Variants in PLBD2 observed in about 807,000 individuals in gnomAD.
PLBD2 encodes the protein putative aminopeptidase PLBD2.
PLBD2 carries 51 observed loss-of-function variants against 68.3 expected under a neutral mutation model. That is an observed-to-expected ratio of 0.75 (90% CI 0.60 to 0.94). The LOEUF (loss-of-function observed/expected upper bound fraction) is 0.94, where lower values mean the gene tolerates loss of function less well. Ranked by LOEUF, PLBD2 falls within the 40% of genes least tolerant of loss-of-function variation. The pLI, the probability that PLBD2 is intolerant of heterozygous loss-of-function variation, is 0.00. For synonymous variants in PLBD2, 314 were observed against 339.3 expected (o/e 0.93, Z 0.82); for missense variants, 729 against 792.2 (o/e 0.92, Z 0.96).
chr12:113,362,795 T>TA (rs920008451), intron 1 of PLBD2, among the ~76,000 whole-genome samples: 17 of 151,732 alleles, frequency 1.1e-4, no homozygotes, highest in Admixed American at 1.1e-3. Flanking sequence ...TGATTTATTT[T>TA]TTTTTTTTGA....
In PLBD2 at chr12:113,388,896, C is replaced by T. The variant is rs887467824; in HGVS notation, c.*270C>T. ...TGTTTCTGTCTGTTTCCTACTGCTG[C>T]TCTCTCAACCTCATTCCCACCTCTG... is the stretch of plus-strand genomic sequence containing the variant. On this transcript the variant is annotated 3_prime_UTR_variant, in exon 12 of 12. Transcript: ENST00000280800. 1 of 333,324 alleles carries T rather than the reference C, an allele frequency of 3.0e-6. No homozygotes were observed. The highest frequency in any genetic ancestry group is 5.4e-6 in the Non-Finnish European group (1 of 185,016). 20.6% of individuals were successfully genotyped at this position (333,324 alleles called of 1,614,324 possible). A position where few individuals can be genotyped will look rare whatever the true frequency, so the allele number is the denominator to read the frequency against.
Position 113,374,846 on chromosome 12 carries a change from C to T in PLBD2, c.698C>T (p.Thr233Ile). Residue 233 changes from threonine (T) to isoleucine (I), a missense_variant, in exon 5 of 12, where the codon ACC becomes ATC. Physicochemically the swap from Thr to Ile is moderately conservative, Grantham distance 89. Transcript: ENST00000280800. The stretch of plus-strand genomic sequence containing the variant: ...GACCTGGAGCTGGCCCTGAACAAGA[C>T]CAAGATCAAACCTTCTCTGGGCTCT... ...LEDLELALNK[T>I]KIKPSLGSGS... 6 of 1,613,902 alleles carry T rather than the reference C, an allele frequency of 3.7e-6. No individual in the cohort carries two copies. Among genetic ancestry groups the T allele is most frequent in the Non-Finnish European group, 5.1e-6 (6 of 1,180,024 alleles).
chr12:113,369,210 G>A lies in PLBD2; in HGVS notation c.384+1G>A. On this transcript the variant is annotated splice_donor_variant, in intron 2 of 11. Transcript: ENST00000280800. LOFTEE classifies it high-confidence loss of function. ...GGTGGAGGCTGCTGTGTCGGAGGAG[G>A]TAAGGGCCAAGGTGGGGACATGGGG... 1 of 1,596,042 alleles carries A rather than the reference G, an allele frequency of 6.3e-7. No homozygotes were observed. Among genetic ancestry groups the A allele is most frequent in the Non-Finnish European group, 8.5e-7 (1 of 1,171,406 alleles).
chr12:113,387,973 G>A, intron 11 of PLBD2, 67 bp downstream of exon 11: 1 of 1,572,128 alleles, frequency 6.4e-7, no homozygotes, highest in Non-Finnish European at 8.7e-7. Context: ...TTTGGGGAAG[G>A]GACAGGTTGG....
intron 5 of PLBD2, chr12:113,376,855 T>A (rs534277498): frequency 1.1e-4 from 16 of 152,364 alleles, no homozygotes; most frequent in African/African-American, 3.9e-4. Flanking sequence ...AAGGCCAAAG[T>A]CCTCCATAGT....
At chr12:113,369,599 A>G (rs1181133332) in intron 2 of PLBD2, among the ~76,000 whole-genome samples, 1 of 152,236 alleles carries the variant, frequency 6.6e-6, no homozygotes, top group Admixed American at 6.5e-5. Context: ...TTATTCAGCT[A>G]TAAACGGGAA....
intron 5 of PLBD2, among the ~76,000 whole-genome samples, chr12:113,376,361 G>C (rs1234048904): frequency 9.1e-5 from 13 of 143,128 alleles, no homozygotes; most frequent in South Asian, 4.5e-4. Context: ...ACGGGGTTTT[G>C]CCATGTTGGC....
In PLBD2 at chr12:113,389,785, C is replaced by A. The variant is rs1266392656; in HGVS notation, c.*1159C>A. ...GCAATGGCATAATCTCTGCTCACTG[C>A]AACCTCTGCTTCCTGGGTTCAAGCG... is the stretch of plus-strand genomic sequence containing the variant. On this transcript the variant is annotated 3_prime_UTR_variant, in exon 12 of 12. Transcript: ENST00000280800. 6.6e-6 allele frequency: 1 copy of A among 152,136 alleles called. No homozygotes were observed. The highest frequency in any genetic ancestry group is 1.9e-4 in the East Asian group (1 of 5,186). 9.4% of individuals were successfully genotyped at this position (152,136 alleles called of 1,614,324 possible).
chr12:113,388,328 CA>C (rs1957574111), intron 11 of PLBD2, 130 bp from the exon 12 acceptor site: 1 of 881,686 alleles, frequency 1.1e-6, no homozygotes, highest in South Asian at 1.9e-5. Context: ...GGTGACAGAG[CA>C]GAGACTCAAA....
At chr12:113,359,009 T>C (rs1188198468) in intron 1 of PLBD2, 119 bp downstream of exon 1, 21 of 1,148,268 alleles carry the variant, frequency 1.8e-5, no homozygotes, top group Non-Finnish European at 2.4e-5. Context: ...TCTCTGGGGG[T>C]CAGCTACTCC....
At chr12:113,371,817 A>G (rs1262779560) in intron 2 of PLBD2, among the ~76,000 whole-genome samples, 2 of 152,252 alleles carry the variant, frequency 1.3e-5, no homozygotes, top group Admixed American at 1.3e-4. Flanking sequence ...AGGAGGCACC[A>G]TTCAACCTCA....
chr12:113,369,811 G>T (rs912816271), intron 2 of PLBD2, among the ~76,000 whole-genome samples: 2 of 152,080 alleles, frequency 1.3e-5, no homozygotes, highest in Admixed American at 1.3e-4. Context: ...TGATGGGTAT[G>T]GGGTTTCTTT....
intron 10 of PLBD2, 74 bp from the exon 11 acceptor site, chr12:113,387,670 C>T (rs1957564685): frequency 6.7e-7 from 1 of 1,496,944 alleles, no homozygotes; most frequent in African/African-American, 1.4e-5. Context: ...ACGGGGCTGC[C>T]TGTGAGGATT....
At chr12:113,383,313 G>A (rs755092450) in intron 6 of PLBD2, among the ~76,000 whole-genome samples, 21 of 152,194 alleles carry the variant, frequency 1.4e-4, no homozygotes, top group Non-Finnish European at 2.4e-4. Flanking sequence ...TGAGGGAGTG[G>A]GTTCATGGGA....
At chr12:113,374,194 G>A (rs914395297) in intron 3 of PLBD2, among the ~76,000 whole-genome samples, 2 of 152,182 alleles carry the variant, frequency 1.3e-5, no homozygotes, top group Non-Finnish European at 1.5e-5. Flanking sequence ...GCTGGGAGGC[G>A]TCCTAGAAGA....
At chr12:113,377,623 G>A (rs533673843) in intron 5 of PLBD2, among the ~76,000 whole-genome samples, 19 of 152,142 alleles carry the variant, frequency 1.2e-4, no homozygotes, top group East Asian at 1.2e-3. Context: ...ATGGGGTTTC[G>A]CCATGTTGGC....
rs986360256 is a variant in PLBD2, at chr12:113,358,614, T to A, written c.14T>A (p.Met5Lys). 1.4e-6 allele frequency: 2 copies of A among 1,470,768 alleles called. No individual in the cohort carries two copies. Among genetic ancestry groups the A allele is most frequent in the Non-Finnish European group, 1.8e-6 (2 of 1,118,880 alleles). 91.1% of individuals were successfully genotyped at this position (1,470,768 alleles called of 1,614,324 possible). Reference sequence around the variant, plus strand: ...CATTGTGCGGTCATGGTGGGCCAGATGTACTGCTACCCCGGCAGCCACCTG... The same window carrying A: ...CATTGTGCGGTCATGGTGGGCCAGAAGTACTGCTACCCCGGCAGCCACCTG... The part of the protein sequence containing the change: MVGQ[M>K]YCYPGSHLAR... Residue 5 changes from methionine to lysine, a missense_variant, in exon 1 of 12, where the codon ATG becomes AAG. By Grantham distance (95) the Met-to-Lys change is moderately conservative (BLOSUM62 -1). Transcript: ENST00000280800.
intron 3 of PLBD2, among the ~76,000 whole-genome samples, chr12:113,373,418 T>G (rs1957406974): frequency 6.6e-6 from 1 of 152,242 alleles, no homozygotes; most frequent in African/African-American, 2.4e-5. Context: ...CCTGTTAGCA[T>G]GTCTGCCTAG....
In PLBD2 at chr12:113,375,014, G is replaced by A; in HGVS notation, c.859+7G>A. 6.2e-7 allele frequency: 1 copy of A among 1,613,636 alleles called. No homozygotes were observed. The highest frequency in any genetic ancestry group is 8.5e-7 in the Non-Finnish European group (1 of 1,179,698). ...TTCCGGGAAGGCCCCTGGGGTAGGTGGGTGTGGGTGTGTCTGGGGGATGAG... is the reference window on the plus strand; with the variant it reads ...TTCCGGGAAGGCCCCTGGGGTAGGTAGGTGTGGGTGTGTCTGGGGGATGAG... On this transcript the variant is annotated splice_region_variant and intron_variant, in intron 5 of 11. Coordinates refer to ENST00000280800, the MANE Select transcript of PLBD2 (RefSeq NM_173542.4).
Sources: allele counts gnomAD v4.1 joint callset (sites outside exome capture counted in the v4.1 genomes callset), GRCh38; gene constraint gnomAD v4.1.1; transcripts MANE v1.5; gene names NCBI Gene and HGNC (gene_info 2026-07-23, HGNC 2026-07-21).